Variants in RASGRF2 observed in about 807,000 individuals in gnomAD.
RASGRF2 encodes the protein Ras protein specific guanine nucleotide releasing factor 2, also known as ras-specific guanine nucleotide-releasing factor 2.
In RASGRF2, 76 loss-of-function variants were observed where a neutral mutation model predicts 151.0. The observed-to-expected ratio is 0.50, with a 90% confidence interval of 0.42 to 0.61. The LOEUF (loss-of-function observed/expected upper bound fraction) is 0.61. Ranked by LOEUF, RASGRF2 falls within the 20% of genes least tolerant of loss-of-function variation. The probability of loss-of-function intolerance (pLI) is 0.00; values close to 1 mark genes in which losing one functional copy is unlikely to be tolerated. For missense variants in RASGRF2, 1,148 were observed against 1,564.6 expected (o/e 0.73, Z 4.49); for synonymous variants, 504 against 566.5 (o/e 0.89, Z 1.57).
In RASGRF2 at chr5:81,207,234, C is replaced by T; in HGVS notation, c.2968-12C>T. 6.2e-7 allele frequency: 1 copy of T among 1,613,030 alleles called. No homozygotes were observed. Among genetic ancestry groups the T allele is most frequent in the Non-Finnish European group, 8.5e-7 (1 of 1,179,072 alleles). ...TCCTGGGTGTTTCATTTCCCTCCCT[C>T]ATCTCTTGCAGACTGACTGCATGAA... On this transcript the variant is annotated splice_polypyrimidine_tract_variant and intron_variant, in intron 20 of 26. Coordinates refer to ENST00000265080, the MANE Select transcript of RASGRF2 (RefSeq NM_006909.3).
intron 12 of RASGRF2, among the ~76,000 whole-genome samples, chr5:81,107,039 A>G (rs1285400823): frequency 1.3e-5 from 2 of 151,984 alleles, no homozygotes; most frequent in Non-Finnish European, 2.9e-5. Flanking sequence ...GTTTATACAA[A>G]ACAGTTTGCC....
intron 1 of RASGRF2, among the ~76,000 whole-genome samples, chr5:80,964,202 T>C: frequency 6.6e-6 from 1 of 152,168 alleles, no homozygotes; most frequent in Non-Finnish European, 1.5e-5. Context: ...TTCTTTGGGA[T>C]AGCAATGGTG....
In RASGRF2 at chr5:81,057,186, G is replaced by T. The variant is rs1280893010; in HGVS notation, c.396-10846G>T. ...GATCCTGTCATTATGATGTTAGCTG[G>T]TTATTTTGCTCCTTAGTTGATGCAG... On this transcript the variant is annotated intron_variant, in intron 2 of 26. Coordinates refer to ENST00000265080, the MANE Select transcript of RASGRF2 (RefSeq NM_006909.3). Among the ~76,000 whole-genome samples the T allele has an allele frequency of 3.3e-5, 5 of 152,162 alleles. No individual in the cohort carries two copies. The East Asian group carries it at 9.6e-4, about 29-fold the overall frequency.
rs948469637 is a variant in RASGRF2, at chr5:81,087,469, C to G, written c.1390+516C>G. 2 of 624,778 alleles carry G rather than the reference C, an allele frequency of 3.2e-6. 1 individual carries two copies. The allele number at this position is 624,778 out of a possible 1,614,324, so 38.7% of individuals were successfully genotyped here. A position where few individuals can be genotyped will look rare whatever the true frequency, so the allele number is the denominator to read the frequency against. ...ACTCCCGTTGCCAGATGAAATGTCTCTGATGGACACTTGCCACGCTTTGGT... is the reference window on the plus strand; with the variant it reads ...ACTCCCGTTGCCAGATGAAATGTCTGTGATGGACACTTGCCACGCTTTGGT... On this transcript the variant is annotated intron_variant, in intron 9 of 26. Transcript: ENST00000265080.
chr5:81,024,539 C>T (rs941779586), intron 1 of RASGRF2, among the ~76,000 whole-genome samples: 2 of 152,156 alleles, frequency 1.3e-5, no homozygotes, highest in Admixed American at 6.5e-5. Context: ...GGATTACAGG[C>T]GTGAGCCACA....
At chr5:81,173,418 A>C (rs988325912) in intron 17 of RASGRF2, among the ~76,000 whole-genome samples, 1 of 152,182 alleles carries the variant, frequency 6.6e-6, no homozygotes, top group Non-Finnish European at 1.5e-5. Context: ...GTAGTTTAGA[A>C]GCAGTTGAAT....
At chr5:81,026,372 A>C (rs1750032919) in intron 1 of RASGRF2, among the ~76,000 whole-genome samples, 1 of 151,824 alleles carries the variant, frequency 6.6e-6, no homozygotes, top group Admixed American at 6.6e-5. Context: ...AGACTCTGCA[A>C]TGTGTCCCCC....
intron 18 of RASGRF2, among the ~76,000 whole-genome samples, chr5:81,182,910 G>A (rs1245491497): frequency 1.3e-5 from 2 of 152,176 alleles, no homozygotes; most frequent in African/African-American, 2.4e-5. Flanking sequence ...GTCTGAAAAC[G>A]TGTGCTATAA....
intron 26 of RASGRF2, among the ~76,000 whole-genome samples, chr5:81,220,715 G>A (rs187326399): frequency 1.3e-5 from 2 of 152,084 alleles, no homozygotes; most frequent in Non-Finnish European, 2.9e-5. Context: ...TGATCCTCCC[G>A]CCTCTGCCTC....
rs893109381 is a variant in RASGRF2, at chr5:81,206,226, G to T, written c.2907-619G>T. 2.0e-5 allele frequency among the ~76,000 whole-genome samples: 3 copies of T among 146,808 alleles called. No individual in the cohort carries two copies. The South Asian group carries it at 6.4e-4, about 32-fold the overall frequency. ...TCATTCATCATTTATTTTTTTAAAA[G>T]ATATTTATTGAGAGCTGAATAACAT... On this transcript the variant is annotated intron_variant, in intron 19 of 26. Coordinates refer to ENST00000265080, the MANE Select transcript of RASGRF2 (RefSeq NM_006909.3).
At chr5:81,217,886 G>T (rs1275688297) in intron 25 of RASGRF2, among the ~76,000 whole-genome samples, 1 of 151,952 alleles carries the variant, frequency 6.6e-6, no homozygotes, top group Non-Finnish European at 1.5e-5. Flanking sequence ...GGGACTACAG[G>T]CACCTGCCAC....
rs148885251 is a variant in RASGRF2, at chr5:81,215,908, T to G, written c.3387T>G (p.Thr1129=). 19 of 1,552,422 alleles carry G rather than the reference T, an allele frequency of 1.2e-5. No individual in the cohort carries two copies. The African/African-American group carries it at 1.4e-4, about 11-fold the overall frequency. Residue 1129 remains threonine (T), a synonymous_variant, in exon 24 of 27, where the codon ACT becomes ACG. Coordinates refer to ENST00000265080, the MANE Select transcript of RASGRF2 (RefSeq NM_006909.3). ...TKALMDKLQK[T]VSSEGRFKNL... ...CTCTAATGGACAAACTTCAAAAGAC[T>G]GTTTCCTCTGAAGGAAGATTTAAAA...
chr5:81,199,897 CA>C (rs33924703), intron 18 of RASGRF2, among the ~76,000 whole-genome samples: 1,919 of 95,418 alleles, frequency 0.02, 16 homozygotes, highest in Non-Finnish European at 0.031. Context: ...GACTCCATCT[CA>C]AAAAAAAAAA....
chr5:80,996,142 G>A (rs532351822), intron 1 of RASGRF2, among the ~76,000 whole-genome samples: 9 of 151,552 alleles, frequency 5.9e-5, no homozygotes, highest in Non-Finnish European at 1.3e-4. Flanking sequence ...GCTTACCTTT[G>A]AACCTTAAAT....
chr5:81,076,108 C>T (rs769084017), intron 5 of RASGRF2, among the ~76,000 whole-genome samples: 10 of 152,132 alleles, frequency 6.6e-5, no homozygotes, highest in Admixed American at 2.0e-4. Flanking sequence ...TTTAACAACT[C>T]GGAGTTTAAT....
At chr5:81,119,379 G>A (rs1010773485) in intron 15 of RASGRF2, among the ~76,000 whole-genome samples, 3 of 152,210 alleles carry the variant, frequency 2.0e-5, no homozygotes, top group Admixed American at 6.5e-5. Flanking sequence ...AGAGAGTGAA[G>A]TAGGCCAAAC....
At chr5:81,197,462 CAAAAAAAAAA>C (rs10674027) in intron 18 of RASGRF2, among the ~76,000 whole-genome samples, 4 of 63,726 alleles carry the variant, frequency 6.3e-5, no homozygotes, top group East Asian at 5.2e-4. Flanking sequence ...GACTCCGTCT[CAAAAAAAAAA>C]AAAAAAAAAA....
At chr5:81,091,276 C>T (rs941320193) in intron 9 of RASGRF2, among the ~76,000 whole-genome samples, 1 of 152,200 alleles carries the variant, frequency 6.6e-6, no homozygotes, top group African/African-American at 2.4e-5. Flanking sequence ...CTTCTGCCTC[C>T]TGCTTTCCCC....
chr5:81,129,398 T>C (rs962102355), intron 17 of RASGRF2, among the ~76,000 whole-genome samples: 14 of 152,118 alleles, frequency 9.2e-5, no homozygotes, highest in Non-Finnish European at 1.9e-4. Context: ...AAAAGAGATG[T>C]TCTCTAATGG....
Sources: gnomAD v4.1 joint callset for allele counts (sites outside exome capture counted in the v4.1 genomes callset) on GRCh38, gnomAD v4.1.1 for gene constraint, MANE v1.5 for transcripts, NCBI Gene and HGNC (gene_info 2026-07-23, HGNC 2026-07-21) for gene names.